The following CNGA1 variants were observed in gnomAD, a reference collection of about 807,000 sequenced individuals.
The protein encoded by CNGA1 is cyclic nucleotide gated channel subunit alpha 1, also known as cyclic nucleotide-gated channel alpha-1.
A neutral mutation model predicts 69.7 loss-of-function variants in CNGA1; 53 were observed. The observed-to-expected ratio is 0.76, with a 90% confidence interval of 0.61 to 0.96. The LOEUF is 0.96. CNGA1 is among the 40% of genes least tolerant of loss of function. CNGA1 has a pLI of 0.00. For missense variants in CNGA1, 739 were observed against 811.2 expected (o/e 0.91, Z 1.08); for synonymous variants, 249 against 283.5 (o/e 0.88, Z 1.22).
In CNGA1 at chr4:48,006,455, T is replaced by A. The variant is rs536180004; in HGVS notation, c.-123+4339A>T. Among the ~76,000 whole-genome samples the A allele has an allele frequency of 2.6e-5, 4 of 152,278 alleles. No individual in the cohort carries two copies. The East Asian group carries it at 5.8e-4, about 22-fold the overall frequency. ...ATAGAAGTTTCCCATAATTTTAGAA[T>A]ACATACCAATAACATTTTTATACAA... is the stretch of plus-strand genomic sequence containing the variant. On this transcript the variant is annotated intron_variant, in intron 2 of 10. Coordinates refer to ENST00000514170, the MANE Select transcript of CNGA1 (RefSeq NM_001379270.1).
At chr4:47,975,600 C>T (rs1305509743) in intron 3 of CNGA1, among the ~76,000 whole-genome samples, 1 of 151,962 alleles carries the variant, frequency 6.6e-6, no homozygotes, top group Non-Finnish European at 1.5e-5. Flanking sequence ...AGCATGTAAG[C>T]ATAATTAAGA....
intron 3 of CNGA1, among the ~76,000 whole-genome samples, chr4:47,956,773 G>A (rs1740116119): frequency 6.6e-6 from 1 of 152,132 alleles, no homozygotes; most frequent in African/African-American, 2.4e-5. Flanking sequence ...AGAGGTGATA[G>A]AGAGGAGAAA....
intron 2 of CNGA1, among the ~76,000 whole-genome samples, chr4:47,984,661 TATACACACACACACAC>T (rs1358150519): frequency 4.4e-4 from 43 of 97,010 alleles, no homozygotes; most frequent in Admixed American, 1.9e-3. Context: ...TATATATATA[TATACACACACACACAC>T]ACACACACAC....
chr4:47,995,752 G>C (rs915778164), intron 2 of CNGA1, among the ~76,000 whole-genome samples: 1 of 152,176 alleles, frequency 6.6e-6, no homozygotes, highest in East Asian at 1.9e-4. Context: ...TGGTTTTCTG[G>C]TTCCTTCTCA....
At chr4:47,990,105 A>G (rs538519546) in intron 2 of CNGA1, among the ~76,000 whole-genome samples, 9 of 152,288 alleles carry the variant, frequency 5.9e-5, no homozygotes, top group African/African-American at 1.9e-4. Flanking sequence ...AACTGATTGT[A>G]AAACATGGGT....
chr4:47,953,741 T>C (rs17573709), intron 3 of CNGA1, among the ~76,000 whole-genome samples: 54,184 of 151,914 alleles, frequency 0.36, 10,047 homozygotes, highest in East Asian at 0.59. Context: ...CAGCTTCCGT[T>C]TGTCTATGAT....
chr4:47,953,966 G>T (rs1362079685), intron 3 of CNGA1, among the ~76,000 whole-genome samples: 1 of 151,970 alleles, frequency 6.6e-6, no homozygotes, highest in Non-Finnish European at 1.5e-5. Flanking sequence ...CCTCAATGTT[G>T]CATTTTCTGA....
chr4:47,979,936 T>C (rs546647016), intron 3 of CNGA1, among the ~76,000 whole-genome samples: 82 of 152,358 alleles, frequency 5.4e-4, no homozygotes, highest in African/African-American at 1.9e-3. Context: ...GACTAGGGTC[T>C]GTTATTTACA....
Position 47,936,205 on chromosome 4 carries a change from A to G in CNGA1, c.*216T>C, listed in dbSNP as rs987831610. 9 of 597,574 alleles carry G rather than the reference A, an allele frequency of 1.5e-5. No homozygotes were observed. Among genetic ancestry groups the G allele is most frequent in the East Asian group, 5.6e-5 (2 of 35,854 alleles). The allele number at this position is 597,574 out of a possible 1,614,324, so 37.0% of individuals were successfully genotyped here. On this transcript the variant is annotated 3_prime_UTR_variant, in exon 11 of 11. Transcript: ENST00000514170. ...CAAGTTAATCAGTTTATATCTTTGC[A>G]CATTATCAGTTGTGAAAAATCCCAA...
intron 8 of CNGA1, among the ~76,000 whole-genome samples, chr4:47,942,580 C>G (rs759307662): frequency 1.5e-4 from 23 of 152,024 alleles, no homozygotes; most frequent in Non-Finnish European, 2.6e-4. Flanking sequence ...ATCTGGGGTC[C>G]CCAACCCCCG....
At position 47,937,170 on chromosome 4, in the gene CNGA1, A is replaced by C. The variant is rs200583020; in HGVS notation, c.1312T>G (p.Trp438Gly). 168 of 1,614,118 alleles carry C rather than the reference A, an allele frequency of 1.0e-4. No homozygotes were observed. Among genetic ancestry groups the C allele is most frequent in the Non-Finnish European group, 6.0e-5 (71 of 1,180,060 alleles). The change falls in exon 11 of 11, where the codon TGG (tryptophan) becomes GGG (glycine). Residue 438 changes from tryptophan to glycine, a missense_variant. Trp to Gly is a radical substitution (Grantham distance 184, BLOSUM62 -2). Transcript: ENST00000514170. ...TCATCAACTGTTTTTTTGTTGGTCC[A>C]CAGGTAGTCAAACCATTTAATAACC... ...KRVIKWFDYL[W>G]TNKKTVDEKE...
rs1298917470 is a variant in CNGA1 at position 47,979,043 on chromosome 4, G to A, written c.-15+2350C>T. Among the ~76,000 whole-genome samples the A allele has an allele frequency of 2.0e-5, 3 of 152,082 alleles. No homozygotes were observed. The East Asian group carries it at 5.8e-4, about 29-fold the overall frequency. On this transcript the variant is annotated intron_variant, in intron 3 of 10. Coordinates refer to ENST00000514170, the MANE Select transcript of CNGA1 (RefSeq NM_001379270.1). The stretch of plus-strand genomic sequence containing the variant: ...ATTGTTCAAAATCTTGGCACAGGCT[G>A]GGCATGGTGGCTCACACCTGTAATC...
intron 2 of CNGA1, among the ~76,000 whole-genome samples, chr4:47,988,687 T>A (rs1466946198): frequency 1.3e-5 from 2 of 152,146 alleles, no homozygotes; most frequent in Non-Finnish European, 2.9e-5. Context: ...TTAGTAAATA[T>A]ATACAAGTGT....
At chr4:47,984,693 C>CATATAT (rs1202019004) in intron 2 of CNGA1, among the ~76,000 whole-genome samples, 13 of 132,852 alleles carry the variant, frequency 9.8e-5, no homozygotes, top group African/African-American at 2.1e-4. Context: ...CACACACACA[C>CATATAT]ATATATATAT....
intron 4 of CNGA1, among the ~76,000 whole-genome samples, chr4:47,952,111 C>T (rs1010834762): frequency 6.6e-6 from 1 of 152,138 alleles, no homozygotes; most frequent in Non-Finnish European, 1.5e-5. Context: ...GCCTGTAATC[C>T]CAACACTTTG....
In CNGA1 at chr4:47,940,802, T is replaced by C. The variant is rs1739027555; in HGVS notation, c.613A>G (p.Ile205Val). The change falls in exon 10 of 11, where the codon ATA (isoleucine) becomes GTA (valine). Residue 205 changes from isoleucine (I) to valine (V), a missense_variant. By Grantham distance (29) the Ile-to-Val change is conservative (BLOSUM62 3). Transcript: ENST00000514170. ...ACAAACATATCGATTAAATAGACTA[T>C]GTCTGATACGTAATCCAAAATGAGC... Reference protein sequence around the residue: ...YWLILDYVSDIVYLIDMFVRT... With the variant: ...YWLILDYVSDVVYLIDMFVRT... The C allele has an allele frequency of 1.2e-6, 2 of 1,611,150 alleles. No individual in the cohort carries two copies. The highest frequency in any genetic ancestry group is 1.7e-5 in the Admixed American group (1 of 59,980).
chr4:47,983,928 C>G (rs1365559950), intron 2 of CNGA1, among the ~76,000 whole-genome samples: 2 of 152,276 alleles, frequency 1.3e-5, no homozygotes, highest in African/African-American at 4.8e-5. Context: ...GAGAGGGTTA[C>G]TAGATTTGGC....
chr4:47,971,176 G>C, intron 3 of CNGA1: 1 of 393,716 alleles, frequency 2.5e-6, no homozygotes, highest in Non-Finnish European at 5.0e-6. Flanking sequence ...ATTTGTGTGT[G>C]TGTGTGTGTG....
chr4:47,939,432 C>T (rs916979072), intron 10 of CNGA1, among the ~76,000 whole-genome samples: 1 of 152,214 alleles, frequency 6.6e-6, no homozygotes, highest in African/African-American at 2.4e-5. Context: ...TATTCATTAT[C>T]ATACCCTTTA....
Sources: allele counts gnomAD v4.1 joint callset (sites outside exome capture counted in the v4.1 genomes callset), GRCh38; gene constraint gnomAD v4.1.1; transcripts MANE v1.5; gene names NCBI Gene and HGNC (gene_info 2026-07-23, HGNC 2026-07-21).